MAST4: variants seen among roughly 807,000 people sequenced by gnomAD.
MAST4 encodes the protein microtubule associated serine/threonine kinase family member 4.
A neutral mutation model predicts 162.7 loss-of-function variants in MAST4; 89 were observed. That is an observed-to-expected ratio of 0.55 (90% CI 0.46 to 0.65). The LOEUF is 0.65. Ranked by LOEUF, MAST4 falls within the 30% of genes least tolerant of loss-of-function variation. MAST4 has a pLI of 0.00. For missense variants in MAST4, 3,153 were observed against 3,374.0 expected (o/e 0.93, Z 1.62); for synonymous variants, 1,479 against 1,361.1 (o/e 1.09, Z -1.91).
At chr5:67,098,165 G>A (rs780784996) in intron 7 of MAST4, among the ~76,000 whole-genome samples, 2 of 152,148 alleles carry the variant, frequency 1.3e-5, no homozygotes, top group Non-Finnish European at 2.9e-5. Context: ...AATTTCAGCT[G>A]TTGTCTGAGT....
chr5:67,130,712 G>A (rs1768862697), intron 15 of MAST4, among the ~76,000 whole-genome samples: 1 of 152,014 alleles, frequency 6.6e-6, no homozygotes, highest in South Asian at 2.1e-4. Context: ...TAGGTGATGG[G>A]ATTTTTTTCT....
chr5:67,035,980 C>T (rs1470888417), intron 4 of MAST4, among the ~76,000 whole-genome samples: 1 of 152,106 alleles, frequency 6.6e-6, no homozygotes, highest in Non-Finnish European at 1.5e-5. Context: ...GAAGCTTACC[C>T]ATTGCACTCC....
At chr5:66,794,123 A>G (rs1251583378) in intron 3 of MAST4, among the ~76,000 whole-genome samples, 1 of 152,194 alleles carries the variant, frequency 6.6e-6, no homozygotes, top group East Asian at 1.9e-4. Context: ...TTTTGCTTAC[A>G]TTATGTAGCC....
intron 1 of MAST4, among the ~76,000 whole-genome samples, chr5:66,730,968 A>G (rs1008277946): frequency 6.6e-6 from 1 of 152,200 alleles, no homozygotes; most frequent in African/African-American, 2.4e-5. Flanking sequence ...GATATTGGCA[A>G]TAGAAATAGA....
chr5:66,892,570 C>T (rs1159889067), intron 3 of MAST4, among the ~76,000 whole-genome samples: 1 of 152,156 alleles, frequency 6.6e-6, no homozygotes, highest in Non-Finnish European at 1.5e-5. Context: ...AAGTGAATTG[C>T]TTCAGTTTTA....
chr5:67,056,539 A>T (rs946159383), intron 5 of MAST4, among the ~76,000 whole-genome samples: 8 of 152,186 alleles, frequency 5.3e-5, no homozygotes, highest in Non-Finnish European at 7.3e-5. Flanking sequence ...TTCACTTCTA[A>T]TATTGAGACG....
At chr5:66,816,495 AGAGTG>A (rs1243043458) in intron 3 of MAST4, among the ~76,000 whole-genome samples, 7 of 152,190 alleles carry the variant, frequency 4.6e-5, no homozygotes, top group Non-Finnish European at 7.3e-5. Flanking sequence ...GTTTTATGTA[AGAGTG>A]TAGTAAGCAG....
intron 6 of MAST4, 95 bp downstream of exon 6, chr5:67,090,326 C>T (rs562231188): frequency 4.2e-5 from 28 of 666,276 alleles, no homozygotes; most frequent in Non-Finnish European, 5.1e-5. Flanking sequence ...CACTTCTTCC[C>T]GTCCCCACTT....
At chr5:66,944,764 G>A (rs548393477) in intron 4 of MAST4, among the ~76,000 whole-genome samples, 5 of 152,214 alleles carry the variant, frequency 3.3e-5, no homozygotes, top group East Asian at 1.9e-4. Flanking sequence ...GGGCTCAGCT[G>A]GGTCCTCTTC....
intron 4 of MAST4, among the ~76,000 whole-genome samples, chr5:67,025,896 G>A (rs527713912): frequency 2.6e-5 from 4 of 152,180 alleles, no homozygotes; most frequent in African/African-American, 9.6e-5. Context: ...AAAGGAGTCT[G>A]TATCTGTCAG....
At chr5:66,696,263 C>T (rs1580221988) in intron 1 of MAST4, among the ~76,000 whole-genome samples, 1 of 151,972 alleles carries the variant, frequency 6.6e-6, no homozygotes, top group Non-Finnish European at 1.5e-5. Flanking sequence ...GGGCTTAATA[C>T]TTAGGTGATG....
intron 16 of MAST4, among the ~76,000 whole-genome samples, chr5:67,132,440 A>G (rs1769100048): frequency 6.6e-6 from 1 of 152,102 alleles, no homozygotes; most frequent in South Asian, 2.1e-4. Flanking sequence ...TGCAAATGTG[A>G]CAATAGCTTC....
In MAST4 at chr5:66,653,833, C is replaced by T. The variant is rs1323783878; in HGVS notation, c.363+56815C>T. On this transcript the variant is annotated intron_variant, in intron 1 of 28. Transcript: ENST00000403625. Reference sequence around the variant, plus strand: ...TTGGAATCTATACTATACCTTTTGACAGTGTGCATTTTTATCTAGCTAGTG... The same window carrying T: ...TTGGAATCTATACTATACCTTTTGATAGTGTGCATTTTTATCTAGCTAGTG... Among the ~76,000 whole-genome samples the T allele has an allele frequency of 2.0e-5, 3 of 152,182 alleles. No homozygotes were observed. The East Asian group carries it at 5.8e-4, about 29-fold the overall frequency.
At chr5:66,721,539 C>T (rs1253471701) in intron 1 of MAST4, among the ~76,000 whole-genome samples, 1 of 151,490 alleles carries the variant, frequency 6.6e-6, no homozygotes, top group East Asian at 1.9e-4. Flanking sequence ...TCCTTTTCTC[C>T]TTGACCTCTT....
chr5:66,898,752 T>C (rs1013539169), intron 3 of MAST4, among the ~76,000 whole-genome samples: 9 of 152,240 alleles, frequency 5.9e-5, no homozygotes, highest in Admixed American at 2.0e-4. Flanking sequence ...TTATGATTGC[T>C]GTAACTCTGT....
intron 1 of MAST4, among the ~76,000 whole-genome samples, chr5:66,739,392 A>AGT (rs2149570266): frequency 6.6e-6 from 1 of 152,298 alleles, no homozygotes; most frequent in Admixed American, 6.5e-5. Context: ...AGAGGAGATG[A>AGT]GTAACACTGG....
intron 3 of MAST4, among the ~76,000 whole-genome samples, chr5:66,838,638 C>T (rs780978679): frequency 7.2e-5 from 11 of 152,084 alleles, no homozygotes; most frequent in Admixed American, 2.6e-4. Flanking sequence ...CCCTGCTCTG[C>T]GGAAGGAAGC....
At chr5:66,759,927 A>G in intron 2 of MAST4, 65 bp downstream of exon 2, 1 of 1,558,918 alleles carries the variant, frequency 6.4e-7, no homozygotes, top group Non-Finnish European at 8.7e-7. Flanking sequence ...GCATGGCCCC[A>G]GAGTTCCACA....
At chr5:66,853,817 T>C (rs1289496313) in intron 3 of MAST4, among the ~76,000 whole-genome samples, 1 of 152,244 alleles carries the variant, frequency 6.6e-6, no homozygotes, top group Non-Finnish European at 1.5e-5. Context: ...ATATAACTTA[T>C]GTTTTAAACA....
Sources: allele counts gnomAD v4.1 joint callset (sites outside exome capture counted in the v4.1 genomes callset), GRCh38; gene constraint gnomAD v4.1.1; transcripts MANE v1.5; gene names NCBI Gene and HGNC (gene_info 2026-07-23, HGNC 2026-07-21).